RGS9: variants seen among roughly 807,000 people sequenced by gnomAD.
The protein encoded by RGS9 is regulator of G-protein signalling 9.
In RGS9, 78 loss-of-function variants were observed where a neutral mutation model predicts 102.0. The observed-to-expected ratio is 0.76, with a 90% CI of 0.64 to 0.92. RGS9 has a LOEUF of 0.92. RGS9 is among the 40% of genes least tolerant of loss of function. RGS9 has a pLI of 0.00. For synonymous variants in RGS9, 353 were observed against 318.6 expected (o/e 1.11, Z -1.15); for missense variants, 833 against 866.1 (o/e 0.96, Z 0.48).
chr17:65,137,901 C>G (rs921927762), intron 1 of RGS9, among the ~76,000 whole-genome samples: 20 of 152,212 alleles, frequency 1.3e-4, no homozygotes, highest in African/African-American at 4.8e-4. Flanking sequence ...AGACAGCCTG[C>G]TGATATTGTT....
rs1905745541 is a variant in RGS9 at position 65,227,415 on chromosome 17, G to C, written c.*8G>C. ...CCCTGGGAGAGCCTGTAAGGAAAGA[G>C]GCAGGCTGAGCTGGGGGCTCTGGAC... On this transcript the variant is annotated 3_prime_UTR_variant, in exon 19 of 19. Transcript: ENST00000262406. The C allele has an allele frequency of 2.5e-6, 4 of 1,611,514 alleles. No individual in the cohort carries two copies. The Admixed American group carries it at 5.0e-5, about 20-fold the overall frequency.
At chr17:65,219,163 T>C (rs1913613190) in intron 17 of RGS9, among the ~76,000 whole-genome samples, 1 of 152,166 alleles carries the variant, frequency 6.6e-6, no homozygotes, top group Non-Finnish European at 1.5e-5. Flanking sequence ...GCTGTGTGCA[T>C]TTGTGTGGCT....
intron 1 of RGS9, among the ~76,000 whole-genome samples, chr17:65,149,869 C>A: frequency 6.6e-6 from 1 of 152,146 alleles, no homozygotes; most frequent in East Asian, 1.9e-4. Flanking sequence ...GCCCAAGATC[C>A]TACAGTTAAT....
In RGS9 at chr17:65,160,324, C is replaced by T. The variant is rs760788463; in HGVS notation, c.297C>T (p.Ser99=). 13 of 1,613,608 alleles carry T rather than the reference C, an allele frequency of 8.1e-6. No homozygotes were observed. Among genetic ancestry groups the T allele is most frequent in the Middle Eastern group, 1.6e-4 (1 of 6,062 alleles). Residue 99 remains serine, a synonymous_variant, in exon 4 of 19, where the codon AGC becomes AGT. Transcript: ENST00000262406. The stretch of plus-strand genomic sequence containing the variant: ...ATCTCATTCTCAAGCCTGATGGCAG[C>T]CTCTACAGATTTCAGGTGAGTCTTG... The part of the protein sequence containing the change: ...PKNLILKPDG[S]LYRFQTPYFW...
At chr17:65,182,045 G>A (rs890431233) in intron 9 of RGS9, among the ~76,000 whole-genome samples, 1 of 152,178 alleles carries the variant, frequency 6.6e-6, no homozygotes, top group African/African-American at 2.4e-5. Context: ...AGAGGTGGAA[G>A]GAGGGGTTAC....
chr17:65,194,554 A>T (rs1912510038), intron 12 of RGS9, among the ~76,000 whole-genome samples: 1 of 151,932 alleles, frequency 6.6e-6, no homozygotes, highest in African/African-American at 2.4e-5. Context: ...CAGGGCCCTA[A>T]ACCTGCCCTT....
At chr17:65,216,408 G>A (rs1913524416) in intron 17 of RGS9, among the ~76,000 whole-genome samples, 1 of 152,200 alleles carries the variant, frequency 6.6e-6, no homozygotes, top group African/African-American at 2.4e-5. Context: ...GGGAGGCGGA[G>A]GCGGGCTGGT....
At chr17:65,202,911 A>T (rs1190950110) in intron 14 of RGS9, among the ~76,000 whole-genome samples, 1 of 152,108 alleles carries the variant, frequency 6.6e-6, no homozygotes, top group Non-Finnish European at 1.5e-5. Context: ...TGCAGTGGAC[A>T]TGAGTCCTGG....
chr17:65,197,771 G>A (rs1343735117), intron 13 of RGS9, among the ~76,000 whole-genome samples: 4 of 151,802 alleles, frequency 2.6e-5, no homozygotes, highest in Non-Finnish European at 5.9e-5. Flanking sequence ...CCTAGTTCAA[G>A]CGATTCCCCT....
intron 9 of RGS9, among the ~76,000 whole-genome samples, chr17:65,182,664 G>T (rs1323799437): frequency 4.6e-5 from 7 of 152,160 alleles, no homozygotes; most frequent in African/African-American, 1.7e-4. Flanking sequence ...AGACATAGCC[G>T]TTTGCCCAAG....
At chr17:65,166,883 G>C (rs1911206056) in intron 7 of RGS9, among the ~76,000 whole-genome samples, 1 of 152,208 alleles carries the variant, frequency 6.6e-6, no homozygotes, top group East Asian at 1.9e-4. Flanking sequence ...GAGGCTGACG[G>C]AACGCCCAAA....
chr17:65,209,166 G>A (rs1300617965), intron 16 of RGS9, among the ~76,000 whole-genome samples: 4 of 152,156 alleles, frequency 2.6e-5, no homozygotes, highest in East Asian at 1.9e-4. Context: ...GAATGCATTC[G>A]TAAAGTGTGA....
chr17:65,153,311 C>A (rs1448423204), intron 1 of RGS9, 111 bp from the exon 2 acceptor site: 2 of 908,380 alleles, frequency 2.2e-6, no homozygotes, highest in South Asian at 1.3e-5. Context: ...AGATGGGGAA[C>A]CCCTGTGTCC....
At chr17:65,182,940 A>T (rs1911942371) in intron 9 of RGS9, among the ~76,000 whole-genome samples, 1 of 152,198 alleles carries the variant, frequency 6.6e-6, no homozygotes, top group South Asian at 2.1e-4. Context: ...AGCCTTGCAA[A>T]TTGTAAGCAA....
intron 17 of RGS9, among the ~76,000 whole-genome samples, chr17:65,222,778 G>C (rs1905414201): frequency 6.6e-6 from 1 of 152,196 alleles, no homozygotes; most frequent in Non-Finnish European, 1.5e-5. Context: ...TTACAGGGCA[G>C]AATAATCTCA....
chr17:65,220,870 C>T (rs1443916803), intron 17 of RGS9, among the ~76,000 whole-genome samples: 1 of 152,174 alleles, frequency 6.6e-6, no homozygotes, highest in African/African-American at 2.4e-5. Context: ...TACAATAAAA[C>T]AGCAGCATGA....
chr17:65,180,508 C>A (rs530919026), intron 9 of RGS9, among the ~76,000 whole-genome samples: 43 of 152,190 alleles, frequency 2.8e-4, no homozygotes, highest in African/African-American at 1.0e-3. Context: ...CCACCACGCC[C>A]AGCTAATTTT....
At chr17:65,207,096 A>G (rs919368943) in intron 15 of RGS9, among the ~76,000 whole-genome samples, 3 of 152,164 alleles carry the variant, frequency 2.0e-5, no homozygotes, top group Non-Finnish European at 4.4e-5. Context: ...AGTCCCAGTA[A>G]ACAGCCCCAT....
intron 3 of RGS9, among the ~76,000 whole-genome samples, chr17:65,159,299 T>C (rs768820033): frequency 2.0e-5 from 3 of 152,194 alleles, no homozygotes; most frequent in African/African-American, 4.8e-5. Context: ...AACAGCCTTG[T>C]TGCTCACACG....
Sources: allele counts gnomAD v4.1 joint callset (sites outside exome capture counted in the v4.1 genomes callset), GRCh38; gene constraint gnomAD v4.1.1; transcripts MANE v1.5; gene names NCBI Gene and HGNC (gene_info 2026-07-23, HGNC 2026-07-21).